PCDH15: variants seen among roughly 807,000 people sequenced by gnomAD.
PCDH15 encodes protocadherin-15.
In PCDH15, 129 loss-of-function variants were observed where a neutral mutation model predicts 178.5. That is an observed-to-expected ratio of 0.72 (90% CI 0.63 to 0.84). The LOEUF (loss-of-function observed/expected upper bound fraction) is 0.84. PCDH15 is among the 40% of genes least tolerant of loss of function. The probability of loss-of-function intolerance (pLI) is 0.00; values close to 1 mark genes in which losing one functional copy is unlikely to be tolerated. For synonymous variants in PCDH15, 800 were observed against 732.0 expected, an observed-to-expected ratio of 1.09 and a Z score of -1.50; for missense variants, 2,230 against 2,099.9, an observed-to-expected ratio of 1.06 and a Z score of -1.21.
chr10:54,720,973 C>T (rs1266810835), intron 1 of PCDH15, among the ~76,000 whole-genome samples: 1 of 151,906 alleles, frequency 6.6e-6, no homozygotes, highest in Non-Finnish European at 1.5e-5. Context: ...TCTCCTAAAC[C>T]GACCATATGC....
At chr10:55,544,093 C>T (rs1052199619) in intron 2 of PCDH15, among the ~76,000 whole-genome samples, 2 of 141,314 alleles carry the variant, frequency 1.4e-5, no homozygotes, top group Non-Finnish European at 3.0e-5. Flanking sequence ...TGCAGATCAA[C>T]TGAGTTTAAA....
chr10:54,355,504 A>T (rs181986727), intron 5 of PCDH15, among the ~76,000 whole-genome samples: 4 of 152,208 alleles, frequency 2.6e-5, no homozygotes, highest in Admixed American at 2.0e-4. Flanking sequence ...GTTATTTGAG[A>T]AATGTTAGAA....
chr10:55,408,909 T>C (rs2132033027), intron 2 of PCDH15, among the ~76,000 whole-genome samples: 1 of 152,296 alleles, frequency 6.6e-6, no homozygotes, highest in East Asian at 1.9e-4. Flanking sequence ...ATAAGAAATA[T>C]TTGGCATGGT....
intron 1 of PCDH15, among the ~76,000 whole-genome samples, chr10:55,250,402 C>T (rs1055663635): frequency 7.2e-5 from 11 of 151,748 alleles, no homozygotes; most frequent in African/African-American, 2.2e-4. Context: ...CCTTCTCAAC[C>T]TCCCAAAGTG....
At position 54,207,833 on chromosome 10, in the gene PCDH15, T is replaced by C. The variant is rs75226000; in HGVS notation, c.1098+6103A>G. Reference sequence around the variant, plus strand: ...TGTTACACTTAAGGTAAAACAGATATAGTCATTTGTCTTAACCATTCCCTC... The same window carrying C: ...TGTTACACTTAAGGTAAAACAGATACAGTCATTTGTCTTAACCATTCCCTC... On this transcript the variant is annotated intron_variant, in intron 10 of 37. Coordinates refer to ENST00000644397, the MANE Select transcript of PCDH15 (RefSeq NM_001384140.1). 6.5e-3 allele frequency among the ~76,000 whole-genome samples: 983 copies of C among 152,262 alleles called. 10 individuals carry two copies. The highest frequency in any genetic ancestry group is 0.02 in the African/African-American group (815 of 41,564).
At chr10:54,504,764 T>A (rs2081025175) in intron 3 of PCDH15, among the ~76,000 whole-genome samples, 1 of 152,096 alleles carries the variant, frequency 6.6e-6, no homozygotes, top group Non-Finnish European at 1.5e-5. Flanking sequence ...AACACACATC[T>A]TAATAGGTAC....
At chr10:55,618,325 G>T (rs1843519207) in intron 2 of PCDH15, among the ~76,000 whole-genome samples, 1 of 151,920 alleles carries the variant, frequency 6.6e-6, no homozygotes, top group African/African-American at 2.4e-5. Flanking sequence ...AGTGTTATTT[G>T]TTGTAGTCTT....
At chr10:55,400,427 T>C (rs180867420) in intron 2 of PCDH15, among the ~76,000 whole-genome samples, 60 of 152,274 alleles carry the variant, frequency 3.9e-4, no homozygotes, top group African/African-American at 1.4e-3. Context: ...TAACCTAGCA[T>C]GCATTCTAAC....
intron 1 of PCDH15, among the ~76,000 whole-genome samples, chr10:55,309,130 T>C (rs1843510149): frequency 6.6e-6 from 1 of 152,216 alleles, no homozygotes; most frequent in Non-Finnish European, 1.5e-5. Context: ...TTAAGCGTTC[T>C]CTTACAATGG....
chr10:55,447,420 C>T (rs1054622371), intron 2 of PCDH15, among the ~76,000 whole-genome samples: 1 of 151,938 alleles, frequency 6.6e-6, no homozygotes, highest in Non-Finnish European at 1.5e-5. Context: ...CCCAGGGATG[C>T]TTCCTTAATA....
At chr10:54,355,202 C>T (rs563903090) in intron 5 of PCDH15, among the ~76,000 whole-genome samples, 84 of 144,184 alleles carry the variant, frequency 5.8e-4, no homozygotes, top group Admixed American at 1.1e-3. Flanking sequence ...ATCCTCAATA[C>T]AAGTTTATAT....
chr10:55,258,293 G>A (rs904916001), intron 1 of PCDH15, among the ~76,000 whole-genome samples: 3 of 152,138 alleles, frequency 2.0e-5, no homozygotes, highest in Non-Finnish European at 4.4e-5. Flanking sequence ...CCAGGCATGA[G>A]CTTATGGAGA....
chr10:54,838,152 A>G (rs1345184064), intron 3 of PCDH15, among the ~76,000 whole-genome samples: 1 of 152,086 alleles, frequency 6.6e-6, no homozygotes, highest in African/African-American at 2.4e-5. Flanking sequence ...AGCCCCTGCC[A>G]GCTAGAGTCT....
At chr10:55,313,599 T>C (rs1270458871) in intron 1 of PCDH15, among the ~76,000 whole-genome samples, 1 of 152,166 alleles carries the variant, frequency 6.6e-6, no homozygotes, top group Non-Finnish European at 1.5e-5. Context: ...ATTAGGCAAA[T>C]AAAAATTTCT....
At chr10:54,805,814 A>G (rs1029615601), upstream of PCDH15, among the ~76,000 whole-genome samples, 2 of 152,204 alleles carry the variant, frequency 1.3e-5, no homozygotes, top group Non-Finnish European at 2.9e-5. Flanking sequence ...TGTATAATAA[A>G]TATACAATGT....
chr10:54,481,875 G>A (rs2078743235), intron 3 of PCDH15, among the ~76,000 whole-genome samples: 1 of 151,668 alleles, frequency 6.6e-6, no homozygotes, highest in African/African-American at 2.4e-5. Context: ...GAGTACATAA[G>A]ATTTCAATGT....
rs1839883717 is a variant in PCDH15, at chr10:55,004,783, G to C, written c.-79-107283C>G. ...GACTGGTTTTCTGTGCAGTGAGCAG[G>C]AAGACCTACACTGAATCTCTGGCAT... On this transcript the variant is annotated intron_variant, in intron 2 of 5. Transcript: ENST00000458638. Among the ~76,000 whole-genome samples the C allele has an allele frequency of 3.3e-5, 5 of 151,622 alleles. No individual in the cohort carries two copies. The South Asian group carries it at 1.0e-3, about 32-fold the overall frequency.
At chr10:54,150,808 A>T (rs2044455592) in intron 14 of PCDH15, among the ~76,000 whole-genome samples, 1 of 152,092 alleles carries the variant, frequency 6.6e-6, no homozygotes, top group South Asian at 2.1e-4. Flanking sequence ...TGACAACTAT[A>T]CATAATCTTG....
intron 3 of PCDH15, among the ~76,000 whole-genome samples, chr10:54,515,464 G>C (rs1434083655): frequency 6.6e-6 from 1 of 152,196 alleles, no homozygotes; most frequent in Admixed American, 6.5e-5. Context: ...TGTTTGATTA[G>C]GTAAACAAAG....
Sources: gnomAD v4.1 joint callset for allele counts (sites outside exome capture counted in the v4.1 genomes callset) on GRCh38, gnomAD v4.1.1 for gene constraint, MANE v1.5 for transcripts, NCBI Gene and HGNC (gene_info 2026-07-23, HGNC 2026-07-21) for gene names.